MADD: variants seen among roughly 807,000 people sequenced by gnomAD.
MADD encodes MAP kinase activating death domain.
MADD carries 109 observed loss-of-function variants against 176.7 expected under a neutral mutation model. That is an observed-to-expected ratio of 0.62 (90% CI 0.53 to 0.72). MADD has a LOEUF of 0.72. MADD is among the 30% of genes least tolerant of loss of function. The pLI, the probability that MADD is intolerant of heterozygous loss-of-function variation, is 0.00. For synonymous variants in MADD, 771 were observed against 771.3 expected, an observed-to-expected ratio of 1.00 and a Z score of 0.01; for missense variants, 1,914 against 2,045.5, an observed-to-expected ratio of 0.94 and a Z score of 1.24.
chr11:47,289,814 G>T (rs1385577074), intron 16 of MADD, 53 bp from the exon 18 acceptor site: 2 of 1,590,534 alleles, frequency 1.3e-6, no homozygotes, highest in South Asian at 1.1e-5. Flanking sequence ...GAAAGGTGGG[G>T]GGTGCTCTGC....
At chr11:47,289,593 A>G (rs923594540) in intron 16 of MADD, 100 bp downstream of exon 17, 30 of 960,696 alleles carry the variant, frequency 3.1e-5, no homozygotes, top group African/African-American at 8.1e-5. Flanking sequence ...GAAGCTCTCA[A>G]TGGGGTAGAT....
chr11:47,309,065 T>C (rs1205530860), intron 23 of MADD, 23 bp downstream of exon 26: 1 of 1,613,372 alleles, frequency 6.2e-7, no homozygotes, highest in South Asian at 1.1e-5. Context: ...ATTTGTGTGC[T>C]GTGTTCATCC....
At chr11:47,274,745 C>T (rs1000792134) in exon 3 of MADD, 2 of 1,614,130 alleles carry the variant, frequency 1.2e-6, no homozygotes, top group East Asian at 2.2e-5. Context: ...TTCACCCTCA[C>T]TGACAAGGAC....
exon 16 of MADD, chr11:47,289,424 C>T: frequency 1.2e-6 from 2 of 1,614,206 alleles, no homozygotes; most frequent in Non-Finnish European, 1.7e-6. Flanking sequence ...CAGAAGTCAT[C>T]TGTCATTAAA....
intron 22 of MADD, 29 bp downstream of exon 24, chr11:47,296,084 C>A (rs1322447600): frequency 1.9e-6 from 3 of 1,538,656 alleles, no homozygotes; most frequent in Non-Finnish European, 1.8e-6. Context: ...CAAAAGAAAA[C>A]CATTTCTTTA....
At chr11:47,309,508 T>C in exon 25 of MADD, 4 of 1,613,982 alleles carry the variant, frequency 2.5e-6, no homozygotes, top group Non-Finnish European at 3.4e-6. Context: ...TCTCCTTAGG[T>C]ACCTGTCCCT....
rs11302029 is a variant in MADD, at chr11:47,319,990, CAAAAAAAA to C, written c.4198-3666_4198-3659del. Among the ~76,000 whole-genome samples the C allele has an allele frequency of 4.4e-5, 3 of 67,880 alleles. 1 individual carries two copies. The highest frequency in any genetic ancestry group is 8.3e-4 in the East Asian group (2 of 2,412). 44.5% of individuals were successfully genotyped at this position (67,880 alleles called of 152,430 possible). On this transcript the variant is annotated intron_variant, in intron 27 of 32. Coordinates refer to ENST00000402192, the Ensembl canonical transcript of MADD. ...TGGGTGACAAAGCGAGACTCCATCG[CAAAAAAAA>C]AAAAAAAAAAAAAATTACAAATATT...
In MADD at chr11:47,293,452, T is replaced by G. The variant is rs3781621; in HGVS notation, c.3302-431T>G. Among the ~76,000 whole-genome samples the G allele has an allele frequency of 5.3e-5, 8 of 151,678 alleles. No homozygotes were observed. In the South Asian group the frequency reaches 1.5e-3, roughly 28 times the overall value. The stretch of plus-strand genomic sequence containing the variant: ...GAGTAGCTGAGATTACAGGTGTGCA[T>G]CACCACGCCCGGCTAATTTTTGTAT... On this transcript the variant is annotated intron_variant, in intron 19 of 32. Coordinates refer to ENST00000402192, the Ensembl canonical transcript of MADD.
At chr11:47,329,430 G>GTA in exon 33 of MADD, 1 of 440,266 alleles carries the variant, frequency 2.3e-6, no homozygotes, top group Non-Finnish European at 4.2e-6. Context: ...ACTATTTTGT[G>GTA]TCCTTGAGAC....
chr11:47,280,304 C>T (rs1471728769), intron 7 of MADD, among the ~76,000 whole-genome samples: 1 of 152,090 alleles, frequency 6.6e-6, no homozygotes, highest in Non-Finnish European at 1.5e-5. Context: ...TCTGTGTTGT[C>T]TGAAGTACTT....
At chr11:47,274,523 C>T (rs2048059783) in intron 2 of MADD, 40 bp from the exon 3 acceptor site, 2 of 1,499,762 alleles carry the variant, frequency 1.3e-6, no homozygotes, top group East Asian at 2.3e-5. Context: ...TAGCCCATTC[C>T]ATCCCTTCAG....
At chr11:47,288,321 C>T (rs2062330022) in intron 15 of MADD, among the ~76,000 whole-genome samples, 1 of 152,144 alleles carries the variant, frequency 6.6e-6, no homozygotes, top group Admixed American at 6.6e-5. Context: ...ACAAAGTTGT[C>T]AGGAGTCTAA....
At chr11:47,292,249 A>T (rs953940531) in intron 19 of MADD, among the ~76,000 whole-genome samples, 6 of 152,168 alleles carry the variant, frequency 3.9e-5, no homozygotes, top group African/African-American at 1.4e-4. Context: ...CCAGTTCCTC[A>T]TGCAAAAATG....
chr11:47,296,327 T>C (rs1295944644), intron 22 of MADD, among the ~76,000 whole-genome samples: 2 of 152,192 alleles, frequency 1.3e-5, no homozygotes, highest in Non-Finnish European at 2.9e-5. Context: ...TATGTAGTAT[T>C]AACCCCCAGG....
At chr11:47,293,814 G>T (rs188021475) in intron 19 of MADD, 69 bp from the exon 22 acceptor site, 3 of 1,007,528 alleles carry the variant, frequency 3.0e-6, no homozygotes, top group Non-Finnish European at 4.7e-6. Flanking sequence ...CTGTGCTGCC[G>T]TCCCACCCCC....
At chr11:47,296,197 A>G in intron 22 of MADD, 142 bp downstream of exon 24, 1 of 999,568 alleles carries the variant, frequency 1.0e-6, no homozygotes, top group Non-Finnish European at 1.4e-6. Flanking sequence ...GGCTTTAAGG[A>G]AAACATTTCT....
chr11:47,328,918 T>A (rs2095774358), intron 32 of MADD, 128 bp from the exon 37 acceptor site: 1 of 999,916 alleles, frequency 1.0e-6, no homozygotes, highest in South Asian at 1.4e-5. Flanking sequence ...GCTTCCTTGC[T>A]TGGAGCTCAC....
At chr11:47,294,330 A>G (rs1462889427) in intron 20 of MADD, among the ~76,000 whole-genome samples, 1 of 150,380 alleles carries the variant, frequency 6.6e-6, no homozygotes, top group Non-Finnish European at 1.5e-5. Flanking sequence ...CCTGGGCAAC[A>G]AAGGTGAAAC....
Position 47,325,866 on chromosome 11 carries a change from C to T in MADD, c.4543-872C>T, listed in dbSNP as rs1413506052. On this transcript the variant is annotated intron_variant, in intron 30 of 32. Coordinates refer to ENST00000402192, the Ensembl canonical transcript of MADD. This position sits in a 1 kb window ranked among gnomAD's most constrained non-coding sequence, Gnocchi z 4.5. ...GCCAGTCTGTGGTTGAAGGCTTGGC[C>T]CCTAGAAGATAGACTGCAGAGAAGG... is the stretch of plus-strand genomic sequence containing the variant. Among the ~76,000 whole-genome samples, 1 of 152,178 alleles carries T rather than the reference C, an allele frequency of 6.6e-6. No individual in the cohort carries two copies. The highest frequency in any genetic ancestry group is 1.5e-5 in the Non-Finnish European group (1 of 68,036).
Sources: allele counts gnomAD v4.1 joint callset (sites outside exome capture counted in the v4.1 genomes callset), GRCh38; gene constraint gnomAD v4.1.1; non-coding constraint Gnocchi (gnomAD v3.1); transcripts MANE v1.5; gene names NCBI Gene and HGNC (gene_info 2026-07-23, HGNC 2026-07-21).